TCERG1L: variants seen among roughly 807,000 people sequenced by gnomAD.
The protein encoded by TCERG1L is transcription elongation regulator 1-like protein.
A neutral mutation model predicts 56.3 loss-of-function variants in TCERG1L; 37 were observed. That is an observed-to-expected ratio of 0.66 (90% confidence interval 0.51 to 0.87). The LOEUF (loss-of-function observed/expected upper bound fraction) is 0.87, where lower values mean the gene tolerates loss of function less well. Among genes scored for constraint, TCERG1L ranks in the 40% least tolerant of loss-of-function variants. TCERG1L has a pLI of 0.00. For synonymous variants in TCERG1L, 324 were observed against 326.3 expected, an observed-to-expected ratio of 0.99 and a Z score of 0.08; for missense variants, 799 against 774.2, an observed-to-expected ratio of 1.03 and a Z score of -0.38.
intron 3 of TCERG1L, among the ~76,000 whole-genome samples, chr10:131,289,304 G>T (rs1846581368): frequency 6.6e-6 from 1 of 151,484 alleles, no homozygotes; most frequent in Non-Finnish European, 1.5e-5. Flanking sequence ...AAAAAAAGAT[G>T]CATTTTCATA....
intron 4 of TCERG1L, among the ~76,000 whole-genome samples, chr10:131,214,631 G>A (rs1261486528): frequency 2.6e-5 from 4 of 152,202 alleles, no homozygotes; most frequent in African/African-American, 9.6e-5. Flanking sequence ...GCGGTTCAGA[G>A]AGGCAGCTTC....
chr10:131,108,443 AAC>A (rs1845376110), intron 9 of TCERG1L, among the ~76,000 whole-genome samples: 1 of 80,090 alleles, frequency 1.2e-5, no homozygotes, highest in Non-Finnish European at 2.9e-5. Flanking sequence ...GTGGGGAATA[AAC>A]GCACTTCAGA....
intron 4 of TCERG1L, among the ~76,000 whole-genome samples, chr10:131,221,422 C>A (rs1047483842): frequency 6.6e-6 from 1 of 152,200 alleles, no homozygotes; most frequent in African/African-American, 2.4e-5. Context: ...TGGAGAAAGA[C>A]CCCACCTAGG....
At position 131,271,559 on chromosome 10, in the gene TCERG1L, T is replaced by C. The variant is rs11017855; in HGVS notation, c.671-11115A>G. ...AAAGGAGCGTGCTGGCGTCATGGGC[T>C]CTGGGACCTGAGGCTTGGAAGACTT... On this transcript the variant is annotated intron_variant, in intron 3 of 11. Transcript: ENST00000368642. Among the ~76,000 whole-genome samples the C allele has an allele frequency of 7.9e-4, 120 of 152,320 alleles. 1 individual carries two copies. The East Asian group carries it at 0.019, about 24-fold the overall frequency.
At chr10:131,139,160 T>A (rs1013214738) in intron 7 of TCERG1L, among the ~76,000 whole-genome samples, 3 of 152,254 alleles carry the variant, frequency 2.0e-5, no homozygotes, top group Non-Finnish European at 4.4e-5. Flanking sequence ...TGTGAACTGA[T>A]CAGTCTCTTT....
intron 4 of TCERG1L, among the ~76,000 whole-genome samples, chr10:131,239,760 C>A (rs1845951638): frequency 6.6e-6 from 1 of 152,366 alleles, no homozygotes; most frequent in South Asian, 2.1e-4. Context: ...CAGGCTCCCG[C>A]ATAAAGGGGA....
At chr10:131,106,676 G>T (rs1233018442) in intron 9 of TCERG1L, among the ~76,000 whole-genome samples, 1 of 152,118 alleles carries the variant, frequency 6.6e-6, no homozygotes, top group Non-Finnish European at 1.5e-5. Context: ...TACGTTTGAG[G>T]AAGGCCACCC....
At chr10:131,286,976 A>G (rs982669552) in intron 3 of TCERG1L, among the ~76,000 whole-genome samples, 1 of 152,256 alleles carries the variant, frequency 6.6e-6, no homozygotes, top group Non-Finnish European at 1.5e-5. Flanking sequence ...CAAAGAAGGA[A>G]GGTAAATATC....
intron 3 of TCERG1L, among the ~76,000 whole-genome samples, chr10:131,300,339 T>A (rs748366560): frequency 6.6e-6 from 1 of 152,202 alleles, no homozygotes. Flanking sequence ...CTACGTATTC[T>A]CTCCTTGCCC....
At chr10:131,236,627 T>C (rs987385866) in intron 4 of TCERG1L, among the ~76,000 whole-genome samples, 2 of 152,230 alleles carry the variant, frequency 1.3e-5, no homozygotes, top group Middle Eastern at 3.2e-3. Context: ...CCATCCCCAC[T>C]GGGTTGAAGC....
rs1845201596 is a variant in TCERG1L at position 131,093,315 on chromosome 10, G to A, written c.1608C>T (p.Thr536=). The change falls in exon 12 of 12, where the codon ACC becomes ACT. Residue 536 remains threonine, a synonymous_variant. Coordinates refer to ENST00000368642, the MANE Select transcript of TCERG1L (RefSeq NM_174937.4). ...ATTTCTCTGCAAACTCCTTAAACGTGGTCCTGAAAAAGAAAGAGTTTCCTG... is the reference window on the plus strand; with the variant it reads ...ATTTCTCTGCAAACTCCTTAAACGTAGTCCTGAAAAAGAAAGAGTTTCCTG... ...LLEESKVSPR[T]TFKEFAEKYG... 3 of 1,611,214 alleles carry A rather than the reference G, an allele frequency of 1.9e-6. No homozygotes were observed. Among genetic ancestry groups the A allele is most frequent in the East Asian group, 4.5e-5 (2 of 44,852 alleles).
At chr10:131,096,199 A>G (rs1456828917) in intron 11 of TCERG1L, among the ~76,000 whole-genome samples, 1 of 152,216 alleles carries the variant, frequency 6.6e-6, no homozygotes, top group Admixed American at 6.5e-5. Flanking sequence ...CCCCATGGCC[A>G]GGAGAAGATG....
intron 3 of TCERG1L, among the ~76,000 whole-genome samples, chr10:131,272,962 AG>A (rs1719554357): frequency 6.6e-6 from 1 of 152,148 alleles, no homozygotes. Flanking sequence ...CTGTCATTTG[AG>A]GGTGATCTGG....
chr10:131,284,491 T>C (rs1251989303), intron 3 of TCERG1L, among the ~76,000 whole-genome samples: 1 of 151,670 alleles, frequency 6.6e-6, no homozygotes, highest in African/African-American at 2.4e-5. Context: ...CCTAAGGATT[T>C]AGGGGAAGAA....
chr10:131,155,040 C>T (rs576706289), intron 6 of TCERG1L, among the ~76,000 whole-genome samples: 5 of 152,336 alleles, frequency 3.3e-5, no homozygotes, highest in East Asian at 3.9e-4. Flanking sequence ...CTTGGCCTCC[C>T]AAGAGCACGG....
chr10:131,288,673 G>A (rs1163130708), intron 3 of TCERG1L, among the ~76,000 whole-genome samples: 3 of 152,174 alleles, frequency 2.0e-5, no homozygotes, highest in African/African-American at 7.2e-5. Flanking sequence ...ATGCTATCAT[G>A]CTGGATGAGA....
intron 6 of TCERG1L, among the ~76,000 whole-genome samples, chr10:131,153,300 A>G (rs1845884640): frequency 6.6e-6 from 1 of 152,142 alleles, no homozygotes; most frequent in African/African-American, 2.4e-5. Flanking sequence ...CGGATGTCCT[A>G]CTTTCCACAG....
At position 131,311,352 on chromosome 10, in the gene TCERG1L, G is replaced by T. The variant is rs1227867364; in HGVS notation, c.284C>A (p.Ser95Tyr). Residue 95 changes from serine to tyrosine, a missense_variant, in exon 1 of 12, where the codon TCT becomes TAT. Physicochemically the swap from Ser to Tyr is moderately radical, Grantham distance 144 (BLOSUM62 -2). Transcript: ENST00000368642. This position sits in a 1 kb window ranked among gnomAD's most constrained non-coding sequence, Gnocchi z 4.0. ...GGCGGCGGCGGCGGAGTCTGGCGCA[G>T]AGGGCAGCGGCAGCAGCGGGAGCAC... ...EPVLPLLPLP[S>Y]APDSAAAAAA... The T allele has an allele frequency of 8.3e-7, 1 of 1,202,150 alleles. No homozygotes were observed. Among genetic ancestry groups the T allele is most frequent in the Non-Finnish European group, 1.0e-6 (1 of 970,010 alleles). 74.5% of individuals were successfully genotyped at this position (1,202,150 alleles called of 1,614,324 possible).
chr10:131,272,916 T>A lies in TCERG1L; in HGVS notation c.671-12472A>T, dbSNP rs191408834. On this transcript the variant is annotated intron_variant, in intron 3 of 11. Transcript: ENST00000368642. ...GGAGAGTGTTGTTTAGAGGACCAAA[T>A]GGACAAGGTGCCCAGCCGGGAGCTC... 2.7e-3 allele frequency among the ~76,000 whole-genome samples: 410 copies of A among 152,304 alleles called. 2 individuals carry two copies. The highest frequency in any genetic ancestry group is 9.5e-3 in the African/African-American group (395 of 41,566).
Sources: gnomAD v4.1 joint callset for allele counts (sites outside exome capture counted in the v4.1 genomes callset) on GRCh38, gnomAD v4.1.1 for gene constraint, Gnocchi (gnomAD v3.1) non-coding constraint, MANE v1.5 for transcripts, NCBI Gene and HGNC (gene_info 2026-07-23, HGNC 2026-07-21) for gene names.